TTC12: variants seen among roughly 807,000 people sequenced by gnomAD.
TTC12 encodes the protein tetratricopeptide repeat protein 12.
A neutral mutation model predicts 90.1 loss-of-function variants in TTC12; 70 were observed. That is an observed-to-expected ratio of 0.78 (90% CI 0.64 to 0.95). The LOEUF (loss-of-function observed/expected upper bound fraction) is 0.95. TTC12 is among the 40% of genes least tolerant of loss of function. TTC12 has a pLI of 0.00. For missense variants in TTC12, 819 were observed against 846.1 expected, an observed-to-expected ratio of 0.97 and a Z score of 0.40; for synonymous variants, 296 against 311.5, an observed-to-expected ratio of 0.95 and a Z score of 0.53.
intron 7 of TTC12, among the ~76,000 whole-genome samples, chr11:113,331,423 T>C (rs1948059993): frequency 6.6e-6 from 1 of 152,214 alleles, no homozygotes; most frequent in African/African-American, 2.4e-5. Context: ...CTGTTCAGTG[T>C]CACTATTTTC....
intron 18 of TTC12, among the ~76,000 whole-genome samples, chr11:113,361,646 T>C (rs1458114762): frequency 6.6e-6 from 1 of 152,214 alleles, no homozygotes; most frequent in Admixed American, 6.5e-5. Context: ...AAAACATTTT[T>C]CTTTCTAGTA....
At chr11:113,369,381 A>G (rs1219123645), downstream of TTC12, among the ~76,000 whole-genome samples, 1 of 151,926 alleles carries the variant, frequency 6.6e-6, no homozygotes, top group African/African-American at 2.4e-5. Flanking sequence ...TCAGCCTCCC[A>G]AAGTGCTGGG....
chr11:113,339,363 A>G lies in TTC12; in HGVS notation c.715A>G (p.Lys239Glu), dbSNP rs1555145229. 1.1e-5 allele frequency: 17 copies of G among 1,614,038 alleles called. No individual in the cohort carries two copies. Among genetic ancestry groups the G allele is most frequent in the African/African-American group, 1.3e-5 (1 of 74,996 alleles). ...KEAHELLDSG[K>E]NTAVTTKNLL... ...AGCCCACGAACTGCTGGATTCAGGAAAGAACACAGCCGTGACCACCAAGAA... is the reference window on the plus strand; with the variant it reads ...AGCCCACGAACTGCTGGATTCAGGAGAGAACACAGCCGTGACCACCAAGAA... The change falls in exon 10 of 22, where the codon AAG (lysine) becomes GAG (glutamate). Residue 239 changes from lysine to glutamate, a missense_variant. Transcript: ENST00000529221.
At chr11:113,352,728 T>A (rs1190742402) in intron 16 of TTC12, among the ~76,000 whole-genome samples, 1 of 152,204 alleles carries the variant, frequency 6.6e-6, no homozygotes, top group Non-Finnish European at 1.5e-5. Flanking sequence ...CCTGCATTAA[T>A]CTGCAAAGGA....
chr11:113,324,714 G>A, intron 5 of TTC12, 32 bp downstream of exon 5: 1 of 1,590,748 alleles, frequency 6.3e-7, no homozygotes, highest in East Asian at 2.2e-5. Context: ...TCAATGGCTG[G>A]GATGATTTGT....
At chr11:113,352,035 C>G in intron 15 of TTC12, 35 bp from the exon 16 acceptor site, 1 of 1,608,722 alleles carries the variant, frequency 6.2e-7, no homozygotes, top group Non-Finnish European at 8.5e-7. Context: ...TTTGCCTGCT[C>G]TCTGAGGCTC....
chr11:113,363,387 T>C (rs543786235), intron 19 of TTC12, among the ~76,000 whole-genome samples: 1 of 152,376 alleles, frequency 6.6e-6, no homozygotes, highest in East Asian at 1.9e-4. Context: ...TTGACAGTTG[T>C]CATCTCTTAA....
At position 113,341,859 on chromosome 11, in the gene TTC12, G is replaced by T; in HGVS notation, c.919G>T (p.Asp307Tyr). ...TAGGTGTTTTTCCACAGCAGGAAAT[G>T]ATGCAGTTGAAGAAATGGTCTGTGT... ...IRRCFSTAGNDAVEEMVCVSV... is the reference protein window; with the variant it reads ...IRRCFSTAGNYAVEEMVCVSV... The change falls in exon 12 of 22, where the codon GAT (aspartate) becomes TAT (tyrosine). Residue 307 changes from aspartate (D) to tyrosine (Y), a missense_variant. Asp to Tyr is a radical substitution (Grantham distance 160). Transcript: ENST00000529221. 2 of 1,614,118 alleles carry T rather than the reference G, an allele frequency of 1.2e-6. No individual in the cohort carries two copies. The highest frequency in any genetic ancestry group is 2.2e-5 in the South Asian group (2 of 91,082).
Position 113,359,358 on chromosome 11 carries a change from C to T in TTC12, c.1447-5C>T. ...GTCATTGGTTACCTTGTTTTGTTTC[C>T]CAAGGCCAGGTGTGAGGAGGATGTG... On this transcript the variant is annotated splice_polypyrimidine_tract_variant and splice_region_variant and intron_variant, in intron 16 of 21. Coordinates refer to ENST00000529221, the MANE Select transcript of TTC12 (RefSeq NM_017868.4). 1.3e-6 allele frequency: 2 copies of T among 1,595,728 alleles called. No individual in the cohort carries two copies. The highest frequency in any genetic ancestry group is 8.6e-7 in the Non-Finnish European group (1 of 1,166,248).
chr11:113,359,018 T>G (rs1323232019), intron 16 of TTC12, among the ~76,000 whole-genome samples: 1 of 151,954 alleles, frequency 6.6e-6, no homozygotes, highest in Non-Finnish European at 1.5e-5. Context: ...CAGTGGGAGC[T>G]GTTCCACCTG....
intron 7 of TTC12, among the ~76,000 whole-genome samples, chr11:113,332,608 C>T (rs1002884677): frequency 2.0e-5 from 3 of 152,190 alleles, no homozygotes; most frequent in African/African-American, 4.8e-5. Flanking sequence ...CGTCTCTCTA[C>T]AGTTACTCCC....
Position 113,325,646 on chromosome 11 carries a change from G to T in TTC12, c.444+1G>T, listed in dbSNP as rs782075084. The T allele has an allele frequency of 6.2e-7, 1 of 1,613,736 alleles. No individual in the cohort carries two copies. On this transcript the variant is annotated splice_donor_variant, in intron 6 of 21. Transcript: ENST00000529221. LOFTEE classifies it high-confidence loss of function. ...AGTGCTGTACACCAACCGAGCCCAG[G>T]TCAGTGAGGCAGGGATGTATCCATG... is the stretch of plus-strand genomic sequence containing the variant.
chr11:113,367,854 C>T (rs1466960981), downstream of TTC12, among the ~76,000 whole-genome samples: 4 of 120,050 alleles, frequency 3.3e-5, no homozygotes, highest in Non-Finnish European at 5.7e-5. Flanking sequence ...AGGCCACTAG[C>T]CAGGACCTGC....
chr11:113,368,585 C>T (rs1337975676), downstream of TTC12: 1 of 1,213,618 alleles, frequency 8.2e-7, no homozygotes. Context: ...AGGTAACAGA[C>T]AGTCCAGAGC....
At chr11:113,372,413 G>T (rs1950409702) in intron 21 of TTC12, among the ~76,000 whole-genome samples, 1 of 152,116 alleles carries the variant, frequency 6.6e-6, no homozygotes, top group African/African-American at 2.4e-5. Flanking sequence ...GCCTTCCCAG[G>T]CACCTTCTCA....
intron 16 of TTC12, among the ~76,000 whole-genome samples, chr11:113,354,206 A>T (rs564271468): frequency 1.3e-5 from 2 of 151,724 alleles, no homozygotes; most frequent in Admixed American, 6.6e-5. Flanking sequence ...ATTCCTAAGT[A>T]TTTTCTTTTG....
chr11:113,342,848 C>A (rs1469499737), intron 12 of TTC12, among the ~76,000 whole-genome samples: 6 of 152,136 alleles, frequency 3.9e-5, no homozygotes, highest in Non-Finnish European at 8.8e-5. Flanking sequence ...CAGCTTAGGG[C>A]AGTGTTTTTG....
rs2137971852 is a variant in TTC12 at position 113,335,051 on chromosome 11, G to T, written c.576+14G>T. 6.3e-7 allele frequency: 1 copy of T among 1,598,120 alleles called. No individual in the cohort carries two copies. Among genetic ancestry groups the T allele is most frequent in the Non-Finnish European group, 8.6e-7 (1 of 1,165,660 alleles). ...AACTACAGTGTGGTAAGTTCTTAGA[G>T]GAATGTAATTGACATGTTTGATCAC... On this transcript the variant is annotated intron_variant, in intron 8 of 21. Transcript: ENST00000529221.
At position 113,341,876 on chromosome 11, in the gene TTC12, G is replaced by C; in HGVS notation, c.936G>C (p.Met312Ile). 1 of 1,614,190 alleles carries C rather than the reference G, an allele frequency of 6.2e-7. No individual in the cohort carries two copies. Among genetic ancestry groups the C allele is most frequent in the Non-Finnish European group, 8.5e-7 (1 of 1,180,028 alleles). Residue 312 changes from methionine (M) to isoleucine (I), a missense_variant, in exon 12 of 22, where the codon ATG becomes ATC. Transcript: ENST00000529221. ...STAGNDAVEEMVCVSVLKLWQ... is the reference protein window; with the variant it reads ...STAGNDAVEEIVCVSVLKLWQ... ...CAGGAAATGATGCAGTTGAAGAAAT[G>C]GTCTGTGTGTCTGTTCTCAAGCTCT...
Sources: gnomAD v4.1 joint callset for allele counts (sites outside exome capture counted in the v4.1 genomes callset) on GRCh38, gnomAD v4.1.1 for gene constraint, MANE v1.5 for transcripts, NCBI Gene and HGNC (gene_info 2026-07-23, HGNC 2026-07-21) for gene names.